EDARADD: variants seen among roughly 807,000 people sequenced by gnomAD.
The protein encoded by EDARADD is ectodysplasin-A receptor-associated adapter protein.
A neutral mutation model predicts 25.6 loss-of-function variants in EDARADD; 20 were observed. The observed-to-expected ratio is 0.78, with a 90% CI of 0.55 to 1.14. EDARADD has a LOEUF of 1.14. Ranked by LOEUF, EDARADD falls within the 50% of genes most tolerant of loss-of-function variation. The probability of loss-of-function intolerance (pLI) is 0.00; values close to 1 mark genes in which losing one functional copy is unlikely to be tolerated. For missense variants in EDARADD, 225 were observed against 270.1 expected, an observed-to-expected ratio of 0.83 and a Z score of 1.17; for synonymous variants, 86 against 94.4, an observed-to-expected ratio of 0.91 and a Z score of 0.52.
intron 3 of EDARADD, among the ~76,000 whole-genome samples, chr1:236,364,356 G>A (rs1667086966): frequency 6.6e-6 from 1 of 151,864 alleles, no homozygotes; most frequent in African/African-American, 2.4e-5. Context: ...TTTGTCCTTT[G>A]GCAGAGTTGT....
At chr1:236,413,693 A>C (rs953271035) in intron 2 of EDARADD, among the ~76,000 whole-genome samples, 1 of 152,218 alleles carries the variant, frequency 6.6e-6, no homozygotes, top group Admixed American at 6.5e-5. Context: ...AACATTTGCT[A>C]TTTTGAATTC....
chr1:236,400,073 C>A (rs1397310147), intron 1 of EDARADD, among the ~76,000 whole-genome samples: 2 of 152,246 alleles, frequency 1.3e-5, no homozygotes, highest in Non-Finnish European at 2.9e-5. Context: ...TGCAGATACA[C>A]CAAAGAGAGG....
chr1:236,412,274 G>T (rs1231544277), intron 2 of EDARADD, among the ~76,000 whole-genome samples: 1 of 152,116 alleles, frequency 6.6e-6, no homozygotes, highest in Non-Finnish European at 1.5e-5. Flanking sequence ...GTATTCCCCT[G>T]ATCTACAAAG....
At position 236,354,886 on chromosome 1, in the gene EDARADD, A is replaced by G. The variant is rs565477303; in HGVS notation, c.-6+4047A>G. ...TGGGATGGATATTACATATATGTGT[A>G]GCCATTGTGCATGCATTTGGCTCCC... On this transcript the variant is annotated intron_variant, in intron 3 of 7. Transcript: ENST00000439430. Among the ~76,000 whole-genome samples, 3 of 152,368 alleles carry G rather than the reference A, an allele frequency of 2.0e-5. No homozygotes were observed. In the East Asian group the frequency reaches 5.8e-4, roughly 29 times the overall value.
chr1:236,397,162 C>A (rs181334877), intron 1 of EDARADD, among the ~76,000 whole-genome samples: 6 of 152,176 alleles, frequency 3.9e-5, no homozygotes, highest in African/African-American at 1.4e-4. Flanking sequence ...GTAATGCCAG[C>A]ACTTTGGGAG....
intron 3 of EDARADD, 57 bp from the exon 4 acceptor site, chr1:236,427,335 G>T: frequency 7.1e-6 from 11 of 1,554,064 alleles, no homozygotes; most frequent in Non-Finnish European, 9.7e-6. Flanking sequence ...ACCACGGAGT[G>T]TGTGCTTTTT....
In EDARADD at chr1:236,395,326, T is replaced by A. The variant is rs1323320592; in HGVS notation, c.61+821T>A. 2.1e-5 allele frequency: 27 copies of A among 1,289,058 alleles called. No homozygotes were observed. The East Asian group carries it at 9.8e-4, about 47-fold the overall frequency. The allele number at this position is 1,289,058 out of a possible 1,614,324, so 79.9% of individuals were successfully genotyped here. A position where few individuals can be genotyped will look rare whatever the true frequency, so the allele number is the denominator to read the frequency against. ...GCCCGGGACACTCGGGGCCCCGCCT[T>A]GCGTCCCAGCCCCGGGTCGCGGCAC... is the stretch of plus-strand genomic sequence containing the variant. On this transcript the variant is annotated intron_variant, in intron 1 of 5. Transcript: ENST00000334232. The surrounding 1 kb of genome is among the most constrained non-coding windows in gnomAD (Gnocchi z 6.9).
chr1:236,420,742 G>C (rs1156479849), intron 3 of EDARADD, among the ~76,000 whole-genome samples: 2 of 152,070 alleles, frequency 1.3e-5, no homozygotes, highest in Non-Finnish European at 2.9e-5. Context: ...TTGTTAATCA[G>C]GGGAGAATTT....
chr1:236,402,839 A>G (rs1667637425), intron 1 of EDARADD, among the ~76,000 whole-genome samples: 1 of 152,188 alleles, frequency 6.6e-6, no homozygotes, highest in African/African-American at 2.4e-5. Flanking sequence ...AATGTGTGAA[A>G]AAGGGGATGC....
Position 236,467,434 on chromosome 1 carries a change from A to G in EDARADD, c.220-797A>G, listed in dbSNP as rs992628661. ...GGGAAGCACACACACGCGCACACAC[A>G]CACACACACACACACACACACATAC... On this transcript the variant is annotated intron_variant, in intron 4 of 5. Coordinates refer to ENST00000334232, the MANE Select transcript of EDARADD (RefSeq NM_145861.4). 1.2e-3 allele frequency among the ~76,000 whole-genome samples: 175 copies of G among 149,348 alleles called. 4 individuals are homozygous for G. In the East Asian group the frequency reaches 0.033, roughly 28 times the overall value.
intron 4 of EDARADD, among the ~76,000 whole-genome samples, chr1:236,439,372 A>C (rs114815502): frequency 9.8e-5 from 15 of 152,356 alleles, no homozygotes; most frequent in African/African-American, 3.6e-4. Flanking sequence ...TCCAAGAAGC[A>C]TGATTGCTGG....
chr1:236,483,385 C>T lies in EDARADD; in HGVS notation c.*736C>T. The T allele has an allele frequency of 7.2e-7, 1 of 1,383,616 alleles. No homozygotes were observed. The highest frequency in any genetic ancestry group is 1.0e-6 in the Non-Finnish European group (1 of 973,110). 85.7% of individuals were successfully genotyped at this position (1,383,616 alleles called of 1,614,324 possible). A position where few individuals can be genotyped will look rare whatever the true frequency, so the allele number is the denominator to read the frequency against. ...GTTGAGCCCATCAATAAAACTATTGCACCTGTCCTGGTTAGCAAGAAACTG... is the reference window on the plus strand; with the variant it reads ...GTTGAGCCCATCAATAAAACTATTGTACCTGTCCTGGTTAGCAAGAAACTG... On this transcript the variant is annotated 3_prime_UTR_variant, in exon 6 of 6. Coordinates refer to ENST00000334232, the MANE Select transcript of EDARADD (RefSeq NM_145861.4).
Position 236,461,324 on chromosome 1 carries a change from T to A in EDARADD, c.220-6907T>A, listed in dbSNP as rs1194240124. On this transcript the variant is annotated intron_variant, in intron 4 of 5. Coordinates refer to ENST00000334232, the MANE Select transcript of EDARADD (RefSeq NM_145861.4). ...AGTCTTCCATTGATTTTGATTTGAT[T>A]TTTGTATATGGAGATAGGGGTCTAG... 2.6e-5 allele frequency among the ~76,000 whole-genome samples: 4 copies of A among 152,212 alleles called. No individual in the cohort carries two copies. In the East Asian group the frequency reaches 5.8e-4, roughly 22 times the overall value.
chr1:236,467,414 GCACACACACGCGCACACACACA>G lies in EDARADD; in HGVS notation c.220-807_220-786del, dbSNP rs1659227460. 3.9e-5 allele frequency among the ~76,000 whole-genome samples: 4 copies of G among 101,320 alleles called. No individual in the cohort carries two copies. The South Asian group carries it at 1.6e-3, about 41-fold the overall frequency. 66.5% of individuals were successfully genotyped at this position (101,320 alleles called of 152,430 possible). A position where few individuals can be genotyped will look rare whatever the true frequency, so the allele number is the denominator to read the frequency against. On this transcript the variant is annotated intron_variant, in intron 4 of 5. Transcript: ENST00000334232. ...GTCTCCTCTGCTGACTTCATGGGAAGCACACACACGCGCACACACACACACACACACACACACACACATACAC... is the reference window on the plus strand; with the variant it reads ...GTCTCCTCTGCTGACTTCATGGGAAGCACACACACACACACACACATACAC...
chr1:236,413,686 A>G (rs1448208791), intron 2 of EDARADD, among the ~76,000 whole-genome samples: 1 of 152,224 alleles, frequency 6.6e-6, no homozygotes, highest in African/African-American at 2.4e-5. Flanking sequence ...TTGTGAGAAC[A>G]TTTGCTATTT....
intron 3 of EDARADD, among the ~76,000 whole-genome samples, chr1:236,382,693 G>C (rs1317936103): frequency 6.6e-6 from 1 of 152,190 alleles, no homozygotes; most frequent in Non-Finnish European, 1.5e-5. Flanking sequence ...GGTGTGCTCA[G>C]TCTAGGACTA....
chr1:236,353,905 A>G (rs1427749677), intron 3 of EDARADD, among the ~76,000 whole-genome samples: 2 of 152,044 alleles, frequency 1.3e-5, no homozygotes, highest in East Asian at 3.8e-4. Context: ...TTTTTGCAAG[A>G]GAAAAGACAG....
chr1:236,392,742 C>T (rs766594370), upstream of EDARADD, among the ~76,000 whole-genome samples: 2 of 152,082 alleles, frequency 1.3e-5, no homozygotes, highest in Non-Finnish European at 2.9e-5. Context: ...ATGATCTCAG[C>T]TCACTGATCC....
At position 236,410,165 on chromosome 1, in the gene EDARADD, G is replaced by C. The variant is rs76071011; in HGVS notation, c.120+891G>C. On this transcript the variant is annotated intron_variant, in intron 2 of 5. Coordinates refer to ENST00000334232, the MANE Select transcript of EDARADD (RefSeq NM_145861.4). Reference sequence around the variant, plus strand: ...CGTGGATGCATAGCATAATGGTTAGGTTTGGGCTTCTCATAAATCCATCAC... The same window carrying C: ...CGTGGATGCATAGCATAATGGTTAGCTTTGGGCTTCTCATAAATCCATCAC... Among the ~76,000 whole-genome samples, 339 of 152,064 alleles carry C rather than the reference G, an allele frequency of 2.2e-3. 2 individuals carry two copies. The highest frequency in any genetic ancestry group is 7.8e-3 in the African/African-American group (324 of 41,474).
Sources: gnomAD v4.1 joint callset for allele counts (sites outside exome capture counted in the v4.1 genomes callset) on GRCh38, gnomAD v4.1.1 for gene constraint, Gnocchi (gnomAD v3.1) non-coding constraint, MANE v1.5 for transcripts, NCBI Gene and HGNC (gene_info 2026-07-23, HGNC 2026-07-21) for gene names.